The following TBC1D22B variants were observed in gnomAD, a reference collection of about 807,000 sequenced individuals.
TBC1D22B encodes chromosome 6 open reading frame 197.
TBC1D22B carries 32 observed loss-of-function variants against 69.1 expected under a neutral mutation model. The observed-to-expected ratio is 0.46, with a 90% confidence interval of 0.35 to 0.62. The LOEUF (loss-of-function observed/expected upper bound fraction) is 0.62, where lower values mean the gene tolerates loss of function less well. Ranked by LOEUF, TBC1D22B falls within the 20% of genes least tolerant of loss-of-function variation. TBC1D22B has a pLI of 0.00. For missense variants in TBC1D22B, 462 were observed against 630.9 expected (o/e 0.73, Z 2.87); for synonymous variants, 206 against 229.8 (o/e 0.90, Z 0.94).
At chr6:37,323,533 AG>A (rs1329875448) in intron 12 of TBC1D22B, among the ~76,000 whole-genome samples, 1 of 152,158 alleles carries the variant, frequency 6.6e-6, no homozygotes. Flanking sequence ...TGAAATGACA[AG>A]GGGGTCAGCT....
chr6:37,282,136 T>G, intron 3 of TBC1D22B, 49 bp from the exon 4 acceptor site: 1 of 1,595,108 alleles, frequency 6.3e-7, no homozygotes, highest in Non-Finnish European at 8.6e-7. Context: ...CTTCTCAGAA[T>G]CCATACTCCT....
At chr6:37,281,664 C>T (rs1449984023) in intron 3 of TBC1D22B, among the ~76,000 whole-genome samples, 1 of 152,194 alleles carries the variant, frequency 6.6e-6, no homozygotes, top group Non-Finnish European at 1.5e-5. Context: ...GAGCAACCAC[C>T]TCCATTTATT....
intron 9 of TBC1D22B, among the ~76,000 whole-genome samples, chr6:37,313,317 C>A (rs559083409): frequency 3.9e-5 from 6 of 152,148 alleles, no homozygotes; most frequent in Middle Eastern, 6.8e-3. Flanking sequence ...TAGAGAGACC[C>A]CTTCTCTACA....
At chr6:37,260,149 T>C (rs928351813) in intron 1 of TBC1D22B, among the ~76,000 whole-genome samples, 2 of 152,232 alleles carry the variant, frequency 1.3e-5, no homozygotes, top group Non-Finnish European at 2.9e-5. Context: ...TTCTTTTAGA[T>C]AGAAAGGTAC....
At chr6:37,258,078 T>G in intron 1 of TBC1D22B, 105 bp downstream of exon 1, 1 of 1,330,156 alleles carries the variant, frequency 7.5e-7, no homozygotes, top group Non-Finnish European at 1.0e-6. Flanking sequence ...AGAAGACTGG[T>G]TTGGGGAAGC....
chr6:37,326,418 T>C (rs1768406672), intron 12 of TBC1D22B, among the ~76,000 whole-genome samples: 1 of 151,334 alleles, frequency 6.6e-6, no homozygotes, highest in Non-Finnish European at 1.5e-5. Flanking sequence ...GAGAGCTATG[T>C]CCTTTGTTGG....
At chr6:37,319,242 G>GC (rs1768169356) in intron 12 of TBC1D22B, among the ~76,000 whole-genome samples, 1 of 152,228 alleles carries the variant, frequency 6.6e-6, no homozygotes, top group African/African-American at 2.4e-5. Context: ...CCAGTGAGCA[G>GC]CATGTGTGGC....
At chr6:37,277,082 C>T (rs1185432377) in intron 2 of TBC1D22B, among the ~76,000 whole-genome samples, 2 of 152,096 alleles carry the variant, frequency 1.3e-5, no homozygotes, top group African/African-American at 2.4e-5. Context: ...TGTGTTCATC[C>T]GGTCCTGGTG....
intron 1 of TBC1D22B, among the ~76,000 whole-genome samples, chr6:37,264,456 A>T (rs991993153): frequency 6.6e-6 from 1 of 152,076 alleles, no homozygotes; most frequent in African/African-American, 2.4e-5. Context: ...GGGATTACAG[A>T]TGTGTGCCAC....
intron 12 of TBC1D22B, among the ~76,000 whole-genome samples, chr6:37,328,158 A>G (rs1768484967): frequency 1.3e-5 from 2 of 152,088 alleles, no homozygotes; most frequent in African/African-American, 4.8e-5. Flanking sequence ...TACTAAAAAT[A>G]CAAAAATTAG....
At chr6:37,260,546 C>A (rs1766055558) in intron 1 of TBC1D22B, among the ~76,000 whole-genome samples, 1 of 152,124 alleles carries the variant, frequency 6.6e-6, no homozygotes, top group African/African-American at 2.4e-5. Flanking sequence ...TTAGTATATT[C>A]ATTTATAGTA....
intron 8 of TBC1D22B, among the ~76,000 whole-genome samples, chr6:37,300,651 C>T (rs561677773): frequency 3.3e-5 from 5 of 152,210 alleles, no homozygotes; most frequent in South Asian, 4.2e-4. Flanking sequence ...CATGAGCCAC[C>T]GTGCCTGGCT....
rs771636551 is a variant in TBC1D22B at position 37,257,927 on chromosome 6, G to C, written c.10G>C (p.Glu4Gln). Residue 4 changes from glutamate (E) to glutamine (Q), a missense_variant, in exon 1 of 13, where the codon GAG (glutamate) becomes CAG (glutamine). Glu to Gln is a conservative substitution (Grantham distance 29). Around this residue, in one of 2 missense-constraint regions of TBC1D22B, gnomAD observed 237 missense variants for 255.4 expected, o/e 0.93. Transcript: ENST00000373491. ...TCCCCCGGCCAGAGCAATGGCCGCTGAGAACAGCAAGCAGTTTTGGAAGAG... is the reference window on the plus strand; with the variant it reads ...TCCCCCGGCCAGAGCAATGGCCGCTCAGAACAGCAAGCAGTTTTGGAAGAG... Reference protein sequence around the residue: MAAENSKQFWKRSA... With the variant: MAAQNSKQFWKRSA... 16 of 1,614,004 alleles carry C rather than the reference G, an allele frequency of 9.9e-6. No homozygotes were observed. Among genetic ancestry groups the C allele is most frequent in the Non-Finnish European group, 2.5e-6 (3 of 1,180,014 alleles).
At chr6:37,266,117 T>C (rs757993835) in intron 1 of TBC1D22B, among the ~76,000 whole-genome samples, 14 of 152,200 alleles carry the variant, frequency 9.2e-5, no homozygotes, top group Non-Finnish European at 2.1e-4. Flanking sequence ...GCTTTCAACA[T>C]ATCGTCCCAC....
chr6:37,331,006 G>A (rs540322006), intron 12 of TBC1D22B, 38 bp from the exon 13 acceptor site: 12 of 1,611,314 alleles, frequency 7.4e-6, no homozygotes, highest in African/African-American at 2.7e-5. Context: ...GATGGTCTAC[G>A]GTCTGGTATG....
rs1768588384 is a variant in TBC1D22B, at chr6:37,331,733, C to T, written c.*561C>T. Reference sequence around the variant, plus strand: ...GTAACTCTGGAAAGAGGCCTACACCCAAGGGCTAGGAATTTTATTTTTCCT... The same window carrying T: ...GTAACTCTGGAAAGAGGCCTACACCTAAGGGCTAGGAATTTTATTTTTCCT... On this transcript the variant is annotated 3_prime_UTR_variant, in exon 13 of 13. Coordinates refer to ENST00000373491, the MANE Select transcript of TBC1D22B (RefSeq NM_017772.4). 1 of 152,832 alleles carries T rather than the reference C, an allele frequency of 6.5e-6. No individual in the cohort carries two copies. Among genetic ancestry groups the T allele is most frequent in the South Asian group, 2.1e-4 (1 of 4,836 alleles). The allele number at this position is 152,832 out of a possible 1,614,324, so 9.5% of individuals were successfully genotyped here. A position where few individuals can be genotyped will look rare whatever the true frequency, so the allele number is the denominator to read the frequency against.
intron 12 of TBC1D22B, among the ~76,000 whole-genome samples, chr6:37,317,638 A>G (rs1282988497): frequency 6.6e-6 from 1 of 152,208 alleles, no homozygotes; most frequent in Non-Finnish European, 1.5e-5. Flanking sequence ...AAAAGAATGT[A>G]AAGGTGCTAA....
intron 1 of TBC1D22B, 184 bp downstream of exon 1, chr6:37,258,157 G>T: frequency 1.5e-6 from 1 of 657,592 alleles, no homozygotes. Flanking sequence ...GGGGACGGCT[G>T]GATGTGGGTG....
At chr6:37,302,781 A>T (rs1767606623) in intron 8 of TBC1D22B, among the ~76,000 whole-genome samples, 1 of 152,222 alleles carries the variant, frequency 6.6e-6, no homozygotes, top group Non-Finnish European at 1.5e-5. Flanking sequence ...ATAGATGATC[A>T]CTTAGGATTA....
Sources: gnomAD v4.1 joint callset for allele counts (sites outside exome capture counted in the v4.1 genomes callset) on GRCh38, gnomAD v4.1.1 for gene constraint, gnomAD v4.1.1 regional missense constraint, MANE v1.5 for transcripts, NCBI Gene and HGNC (gene_info 2026-07-23, HGNC 2026-07-21) for gene names.